The following EXD3 variants were observed in gnomAD, a reference collection of about 807,000 sequenced individuals.
The protein encoded by EXD3 is exonuclease mut-7 homolog.
Under a neutral mutation model 98.0 loss-of-function variants are expected in EXD3, and 92 were observed. The observed-to-expected ratio is 0.94, with a 90% CI of 0.79 to 1.12. EXD3 has a LOEUF of 1.12. Ranked by LOEUF, EXD3 falls within the 50% of genes most tolerant of loss-of-function variation. The pLI is 0.00. For missense variants in EXD3, 1,222 were observed against 1,191.6 expected (o/e 1.03, Z -0.38); for synonymous variants, 569 against 526.0 (o/e 1.08, Z -1.12).
At chr9:137,366,380 A>C in intron 7 of EXD3, 113 bp downstream of exon 7, 1 of 1,444,970 alleles carries the variant, frequency 6.9e-7, no homozygotes, top group Non-Finnish European at 9.4e-7. Flanking sequence ...CAAACACCAG[A>C]ACTTCCTGGG....
At position 137,349,263 on chromosome 9, in the gene EXD3, C is replaced by A; in HGVS notation, c.1677G>T (p.Leu559=). The change falls in exon 16 of 22, where the codon CTG becomes CTT. Residue 559 remains leucine (L), a synonymous_variant. Transcript: ENST00000340951. The surrounding 1 kb of genome is among the most constrained non-coding windows in gnomAD (Gnocchi z 7.4). ...TGCACAGGGCTTGGTGCACCTCCAG[C>A]AGGCAGTAGGCGTCGGCAGCTGTGT... is the stretch of plus-strand genomic sequence containing the variant. ...VIYAAADAYC[L]LEVHQALCRE... 6.4e-7 allele frequency: 1 copy of A among 1,570,812 alleles called. No individual in the cohort carries two copies. The highest frequency in any genetic ancestry group is 1.7e-4 in the Middle Eastern group (1 of 6,018).
At chr9:137,357,937 T>C (rs1322289397) in intron 7 of EXD3, among the ~76,000 whole-genome samples, 2 of 151,948 alleles carry the variant, frequency 1.3e-5, no homozygotes, top group African/African-American at 4.8e-5. Flanking sequence ...TAGGCCCATC[T>C]AGCCTTCTCA....
chr9:137,324,111 C>T lies in EXD3; in HGVS notation c.2031G>A (p.Thr677=), dbSNP rs370076961. ...TCACCTTGTGGAATGGCTGCCCCGACGTCAGAATGATCCTCCCCTCCTGCC... is the reference window on the plus strand; with the variant it reads ...TCACCTTGTGGAATGGCTGCCCCGATGTCAGAATGATCCTCCCCTCCTGCC... ...VARQEGRIIL[T]SGQPFHKLRA... Residue 677 remains threonine (T), a synonymous_variant, in exon 18 of 22, where the codon ACG becomes ACA. Transcript: ENST00000340951. The surrounding 1 kb of genome is among the most constrained non-coding windows in gnomAD (Gnocchi z 4.1). The T allele has an allele frequency of 2.0e-5, 31 of 1,588,348 alleles. No homozygotes were observed. In the African/African-American group the frequency reaches 2.4e-4, roughly 12 times the overall value.
rs1301175728 is a variant in EXD3, at chr9:137,385,737, T to C, written c.56-2360A>G. 1.3e-5 allele frequency among the ~76,000 whole-genome samples: 2 copies of C among 152,056 alleles called. No individual in the cohort carries two copies. Among genetic ancestry groups the C allele is most frequent in the Non-Finnish European group, 2.9e-5 (2 of 68,020 alleles). On this transcript the variant is annotated intron_variant, in intron 2 of 21. Transcript: ENST00000340951. This position sits in a 1 kb window ranked among gnomAD's most constrained non-coding sequence, Gnocchi z 4.4. ...TTAGTAGAGACGGGTTTTCACCATG[T>C]TGGCCAGGCTGGTCTTGAACTCCTG...
intron 8 of EXD3, among the ~76,000 whole-genome samples, chr9:137,355,677 ATGGAGGAAGGAGAAAGGGAGGAAGGAGG>A (rs1834713564): frequency 9.7e-6 from 1 of 103,216 alleles, no homozygotes; most frequent in African/African-American, 3.5e-5. Flanking sequence ...GAAAGGGAGG[ATGGAGGAAGGAGAAAGGGAGGAAGGAGG>A]AAGGAGGAAG....
At chr9:137,332,810 A>G (rs1025132269) in intron 17 of EXD3, among the ~76,000 whole-genome samples, 3 of 152,180 alleles carry the variant, frequency 2.0e-5, no homozygotes. Context: ...GCGCCACTGC[A>G]CTCCAGCCTG....
At chr9:137,409,047 G>A (rs1837871041) in intron 1 of EXD3, among the ~76,000 whole-genome samples, 1 of 152,258 alleles carries the variant, frequency 6.6e-6, no homozygotes, top group African/African-American at 2.4e-5. Context: ...AAACACGCTG[G>A]AATTCCATCA....
chr9:137,327,686 A>AC (rs61728105), intron 17 of EXD3, among the ~76,000 whole-genome samples: 1 of 30,308 alleles, frequency 3.3e-5, no homozygotes. Flanking sequence ...GATGAGTAAA[A>AC]AACTGATATA....
intron 1 of EXD3, among the ~76,000 whole-genome samples, chr9:137,402,856 C>T (rs965160960): frequency 3.9e-5 from 6 of 151,970 alleles, no homozygotes; most frequent in South Asian, 2.1e-4. Flanking sequence ...CGGTGGAAGG[C>T]GAAAGGCACT....
chr9:137,397,973 T>TA (rs67488188), intron 1 of EXD3, among the ~76,000 whole-genome samples: 53,842 of 151,814 alleles, frequency 0.35, 10,359 homozygotes, highest in African/African-American at 0.47. Context: ...TGAATAAAGT[T>TA]AAAAAATATG....
intron 1 of EXD3, among the ~76,000 whole-genome samples, chr9:137,418,230 C>T (rs1004403367): frequency 6.6e-6 from 1 of 152,108 alleles, no homozygotes; most frequent in Non-Finnish European, 1.5e-5. Flanking sequence ...ACCTGTAGTC[C>T]CAGCTAACTC....
chr9:137,409,237 G>C (rs965037896), intron 1 of EXD3, among the ~76,000 whole-genome samples: 6 of 152,190 alleles, frequency 3.9e-5, no homozygotes, highest in Non-Finnish European at 8.8e-5. Context: ...CCCTCACCAT[G>C]GCTGCCCCGA....
intron 17 of EXD3, among the ~76,000 whole-genome samples, chr9:137,338,372 T>C (rs182713565): frequency 1.4e-4 from 21 of 152,154 alleles, no homozygotes; most frequent in African/African-American, 5.1e-4. Context: ...AAAACTGATA[T>C]AGCGCAGTGA....
rs2119105624 is a variant in EXD3 at position 137,324,249 on chromosome 9, A to T, written c.1999-106T>A. 1.0e-6 allele frequency: 1 copy of T among 1,000,716 alleles called. No homozygotes were observed. The highest frequency in any genetic ancestry group is 1.6e-5 in the African/African-American group (1 of 62,320). The allele number at this position is 1,000,716 out of a possible 1,614,324, so 62.0% of individuals were successfully genotyped here. A position where few individuals can be genotyped will look rare whatever the true frequency, so the allele number is the denominator to read the frequency against. On this transcript the variant is annotated intron_variant, in intron 17 of 21. Transcript: ENST00000340951. This position sits in a 1 kb window ranked among gnomAD's most constrained non-coding sequence, Gnocchi z 4.1. ...GCTCCCCGGATCGTGGCCCTGCCCC[A>T]GGCCCCTTTTGTCCTCCAGGGTGGC...
chr9:137,384,739 C>T (rs955757758), intron 2 of EXD3, among the ~76,000 whole-genome samples: 1 of 152,210 alleles, frequency 6.6e-6, no homozygotes, highest in African/African-American at 2.4e-5. Context: ...CAGAAATGGC[C>T]ATTTCAAAAA....
intron 3 of EXD3, among the ~76,000 whole-genome samples, chr9:137,375,072 G>T (rs865818027): frequency 6.6e-6 from 1 of 151,762 alleles, no homozygotes; most frequent in Non-Finnish European, 1.5e-5. Context: ...GCAGTGGCGC[G>T]ATCTCGACTC....
chr9:137,387,324 G>A lies in EXD3; in HGVS notation c.56-3947C>T, dbSNP rs116681232. On this transcript the variant is annotated intron_variant, in intron 2 of 21. Coordinates refer to ENST00000340951, the MANE Select transcript of EXD3 (RefSeq NM_017820.5). Reference sequence around the variant, plus strand: ...CGCCCCAGCCATTCCAGGGCCAGCCGTGCACACATGGTGCTCACAGCCCAC... The same window carrying A: ...CGCCCCAGCCATTCCAGGGCCAGCCATGCACACATGGTGCTCACAGCCCAC... Among the ~76,000 whole-genome samples the A allele has an allele frequency of 2.4e-3, 365 of 152,326 alleles. 1 individual carries two copies. The highest frequency in any genetic ancestry group is 8.3e-3 in the African/African-American group (344 of 41,580).
chr9:137,377,581 C>T (rs993968676), intron 3 of EXD3, among the ~76,000 whole-genome samples: 14 of 151,538 alleles, frequency 9.2e-5, no homozygotes, highest in Non-Finnish European at 1.6e-4. Context: ...TAAGACCAGA[C>T]GTGCTGATGC....
chr9:137,333,056 G>C (rs1440449801), intron 17 of EXD3, among the ~76,000 whole-genome samples: 2 of 152,188 alleles, frequency 1.3e-5, no homozygotes, highest in African/African-American at 4.8e-5. Flanking sequence ...TCAGCTGCCA[G>C]TACGGCTAGA....
Sources: allele counts gnomAD v4.1 joint callset (sites outside exome capture counted in the v4.1 genomes callset), GRCh38; gene constraint gnomAD v4.1.1; non-coding constraint Gnocchi (gnomAD v3.1); transcripts MANE v1.5; gene names NCBI Gene and HGNC (gene_info 2026-07-23, HGNC 2026-07-21).